Variants in INPP5D observed in about 807,000 individuals in gnomAD.
INPP5D encodes the protein inositol polyphosphate-5-phosphatase D, also known as phosphatidylinositol 3,4,5-trisphosphate 5-phosphatase 1.
Under a neutral mutation model 122.9 loss-of-function variants are expected in INPP5D, and 33 were observed. The ratio of observed to expected loss-of-function variants is 0.27; its 90% CI spans 0.20 to 0.36. The LOEUF (loss-of-function observed/expected upper bound fraction) is 0.36. Ranked by LOEUF, INPP5D falls within the 10% of genes least tolerant of loss-of-function variation. The probability of loss-of-function intolerance (pLI) is 1.00; values close to 1 mark genes in which losing one functional copy is unlikely to be tolerated. For missense variants in INPP5D, 1,053 were observed against 1,412.7 expected, an observed-to-expected ratio of 0.75 and a Z score of 4.08; for synonymous variants, 584 against 576.2, an observed-to-expected ratio of 1.01 and a Z score of -0.19.
chr2:233,105,393 A>G lies in INPP5D; in HGVS notation c.199-16714A>G, dbSNP rs1217478207. 6.6e-6 allele frequency among the ~76,000 whole-genome samples: 1 copy of G among 152,156 alleles called. No individual in the cohort carries two copies. Among genetic ancestry groups the G allele is most frequent in the African/African-American group, 2.4e-5 (1 of 41,428 alleles). On this transcript the variant is annotated intron_variant, in intron 2 of 26. Coordinates refer to ENST00000445964, the MANE Select transcript of INPP5D (RefSeq NM_001017915.3). The surrounding 1 kb of genome is among the most constrained non-coding windows in gnomAD (Gnocchi z 4.0). ...CCTCCTATTCACCTGAAGTAGGAGC[A>G]TCTCAGCTGCAGAGTAGCTTCTTTG...
intron 2 of INPP5D, among the ~76,000 whole-genome samples, chr2:233,121,839 A>T (rs894380806): frequency 1.3e-5 from 2 of 152,106 alleles, no homozygotes; most frequent in Non-Finnish European, 2.9e-5. Flanking sequence ...AAACACTTTT[A>T]AAAATAAAAG....
intron 5 of INPP5D, among the ~76,000 whole-genome samples, chr2:233,132,821 C>T (rs1693364987): frequency 6.6e-6 from 1 of 152,052 alleles, no homozygotes; most frequent in Non-Finnish European, 1.5e-5. Context: ...CTCTTTTAGG[C>T]CTTTTTGGAT....
In INPP5D at chr2:233,068,269, G is replaced by A. The variant is rs566821095; in HGVS notation, c.134+7657G>A. Among the ~76,000 whole-genome samples the A allele has an allele frequency of 9.3e-5, 12 of 128,424 alleles. No individual in the cohort carries two copies. In the East Asian group the frequency reaches 2.8e-3, roughly 30 times the overall value. The allele number at this position is 128,424 out of a possible 152,430, so 84.3% of individuals were successfully genotyped here. A position where few individuals can be genotyped will look rare whatever the true frequency, so the allele number is the denominator to read the frequency against. On this transcript the variant is annotated intron_variant, in intron 1 of 26. Coordinates refer to ENST00000445964, the MANE Select transcript of INPP5D (RefSeq NM_001017915.3). ...CCTTGCACTCCAGCCTGGGCAACAAGAGTGAAACTCTGTCTCAAAAAAAAA... is the reference window on the plus strand; with the variant it reads ...CCTTGCACTCCAGCCTGGGCAACAAAAGTGAAACTCTGTCTCAAAAAAAAA...
At position 233,100,270 on chromosome 2, in the gene INPP5D, A is replaced by G. The variant is rs1279081437; in HGVS notation, c.198+20872A>G. Among the ~76,000 whole-genome samples the G allele has an allele frequency of 2.0e-5, 3 of 152,108 alleles. No individual in the cohort carries two copies. The highest frequency in any genetic ancestry group is 4.4e-5 in the Non-Finnish European group (3 of 68,016). ...CCTGACTGCTGTAGGCCACTGAGCT[A>G]TGATATTCATCAGACGCAACTAATT... On this transcript the variant is annotated intron_variant, in intron 2 of 26. Transcript: ENST00000445964. The surrounding 1 kb of genome is among the most constrained non-coding windows in gnomAD (Gnocchi z 5.3).
At chr2:233,099,908 T>A (rs1239427672) in intron 2 of INPP5D, among the ~76,000 whole-genome samples, 1 of 152,150 alleles carries the variant, frequency 6.6e-6, no homozygotes, top group African/African-American at 2.4e-5. Flanking sequence ...CTTACAATCA[T>A]GGCGGAAGGT....
intron 19 of INPP5D, among the ~76,000 whole-genome samples, chr2:233,184,192 C>T (rs1018943528): frequency 1.3e-5 from 2 of 152,128 alleles, no homozygotes; most frequent in Admixed American, 6.6e-5. Flanking sequence ...CATCTTTCTG[C>T]CCCGCTCTCT....
At chr2:233,192,997 C>T (rs1439570746) in intron 22 of INPP5D, among the ~76,000 whole-genome samples, 1 of 152,254 alleles carries the variant, frequency 6.6e-6, no homozygotes, top group Non-Finnish European at 1.5e-5. Flanking sequence ...AAGAGATTCT[C>T]CTGCCTCAGC....
intron 25 of INPP5D, among the ~76,000 whole-genome samples, chr2:233,199,565 C>T (rs911735370): frequency 6.7e-6 from 1 of 148,912 alleles, no homozygotes; most frequent in Non-Finnish European, 1.5e-5. Flanking sequence ...TGCGGTGGTT[C>T]ACGCCTGTAA....
intron 2 of INPP5D, among the ~76,000 whole-genome samples, chr2:233,116,846 C>T (rs1447120453): frequency 3.9e-5 from 6 of 152,150 alleles, no homozygotes; most frequent in African/African-American, 1.4e-4. Context: ...CCACCCACCT[C>T]GGCCTCCCAA....
At chr2:233,089,775 T>C (rs1691943215) in intron 2 of INPP5D, among the ~76,000 whole-genome samples, 1 of 152,206 alleles carries the variant, frequency 6.6e-6, no homozygotes, top group Non-Finnish European at 1.5e-5. Flanking sequence ...AAGTCCCTCC[T>C]TCATAGGATG....
chr2:233,110,753 A>C (rs1199665641), intron 2 of INPP5D, among the ~76,000 whole-genome samples: 1 of 152,108 alleles, frequency 6.6e-6, no homozygotes, highest in Admixed American at 6.5e-5. Flanking sequence ...GTGAAACTGC[A>C]TCTCTACTAA....
intron 10 of INPP5D, among the ~76,000 whole-genome samples, chr2:233,158,978 C>T (rs187785695): frequency 7.9e-4 from 120 of 152,230 alleles, no homozygotes; most frequent in African/African-American, 2.6e-3. Context: ...GACAGAGTCT[C>T]GCCGTGTTTC....
chr2:233,147,785 C>A (rs140185860), intron 9 of INPP5D, among the ~76,000 whole-genome samples, 191 bp downstream of exon 9: 14,411 of 152,142 alleles, frequency 0.095, 940 homozygotes, highest in East Asian at 0.31. Context: ...CATGCTATCA[C>A]CTCTCAGTGC....
intron 14 of INPP5D, 41 bp downstream of exon 14, chr2:233,169,442 G>T (rs572587252): frequency 2.6e-6 from 4 of 1,558,934 alleles, no homozygotes; most frequent in Non-Finnish European, 3.5e-6. Flanking sequence ...CATTTGGGCT[G>T]TCTGCCCAGA....
chr2:233,101,488 C>T (rs74367325), intron 2 of INPP5D, among the ~76,000 whole-genome samples: 6,500 of 150,272 alleles, frequency 0.043, 181 homozygotes, highest in East Asian at 0.16. Context: ...CTCTTTTAAT[C>T]CCCAAACTCT....
intron 2 of INPP5D, among the ~76,000 whole-genome samples, chr2:233,086,711 T>C (rs761195803): frequency 1.4e-4 from 21 of 152,230 alleles, no homozygotes; most frequent in Non-Finnish European, 2.8e-4. Context: ...TTCTTTTTGC[T>C]CAAGTTAGTT....
At chr2:233,156,792 G>T (rs939357574) in intron 9 of INPP5D, among the ~76,000 whole-genome samples, 1 of 152,184 alleles carries the variant, frequency 6.6e-6, no homozygotes, top group African/African-American at 2.4e-5. Flanking sequence ...AGGAAAACAG[G>T]TGCTCAGCAT....
At chr2:233,137,848 AAAAAAATATATATATATATATAT>A (rs1303602424) in intron 5 of INPP5D, among the ~76,000 whole-genome samples, 10 of 14,330 alleles carry the variant, frequency 7.0e-4, no homozygotes, top group African/African-American at 2.0e-3. Context: ...AAAAAAAAAA[AAAAAAATATATATATATATATAT>A]ATATATATAT....
intron 2 of INPP5D, among the ~76,000 whole-genome samples, chr2:233,110,797 T>C (rs937298462): frequency 6.6e-6 from 1 of 152,102 alleles, no homozygotes; most frequent in African/African-American, 2.4e-5. Flanking sequence ...TGGTGGCACA[T>C]GCCTGTAGTC....
Sources: allele counts gnomAD v4.1 joint callset (sites outside exome capture counted in the v4.1 genomes callset), GRCh38; gene constraint gnomAD v4.1.1; non-coding constraint Gnocchi (gnomAD v3.1); transcripts MANE v1.5; gene names NCBI Gene and HGNC (gene_info 2026-07-23, HGNC 2026-07-21).